PTPRO: variants seen among roughly 807,000 people sequenced by gnomAD.
PTPRO encodes receptor-type tyrosine-protein phosphatase O.
A neutral mutation model predicts 145.2 loss-of-function variants in PTPRO; 62 were observed. The ratio of observed to expected loss-of-function variants is 0.43; its 90% CI spans 0.35 to 0.53. The LOEUF (loss-of-function observed/expected upper bound fraction) is 0.53. PTPRO is among the 20% of genes least tolerant of loss of function. The probability of loss-of-function intolerance (pLI) is 0.01; values close to 1 mark genes in which losing one functional copy is unlikely to be tolerated. For missense variants in PTPRO, 1,345 were observed against 1,482.7 expected (o/e 0.91, Z 1.53); for synonymous variants, 565 against 514.7 (o/e 1.10, Z -1.32).
chr12:15,324,748 C>A (rs973724481), intron 1 of PTPRO, among the ~76,000 whole-genome samples: 1 of 152,000 alleles, frequency 6.6e-6, no homozygotes, highest in African/African-American at 2.4e-5. Context: ...CTTCTATGTG[C>A]TGGTTTTTTA....
chr12:15,578,205 TCATTGCCTACAAGAAAAAAAAAG>T (rs1177870511), intron 19 of PTPRO, among the ~76,000 whole-genome samples: 1 of 152,132 alleles, frequency 6.6e-6, no homozygotes, highest in Non-Finnish European at 1.5e-5. Context: ...TCTCTAAGGC[TCATTGCCTACAAGAAAAAAAAAG>T]CCTAGATTTC....
At chr12:15,432,764 C>A (rs777380426) in intron 1 of PTPRO, among the ~76,000 whole-genome samples, 1 of 152,134 alleles carries the variant, frequency 6.6e-6, no homozygotes, top group Non-Finnish European at 1.5e-5. Flanking sequence ...TGATGCTGAG[C>A]TTTTTTCATA....
intron 1 of PTPRO, among the ~76,000 whole-genome samples, chr12:15,467,316 A>G (rs1048810750): frequency 5.3e-5 from 8 of 151,968 alleles, no homozygotes; most frequent in South Asian, 4.2e-4. Context: ...CTCATACTTT[A>G]TATATATCAA....
Position 15,515,570 on chromosome 12 carries a change from A to C in PTPRO, c.1537A>C (p.Lys513Gln). The C allele has an allele frequency of 6.2e-7, 1 of 1,614,004 alleles. No homozygotes were observed. Among genetic ancestry groups the C allele is most frequent in the Non-Finnish European group, 8.5e-7 (1 of 1,179,934 alleles). Residue 513 changes from lysine (K) to glutamine (Q), a missense_variant, in exon 8 of 27, where the codon AAA (lysine) becomes CAA (glutamine). Physicochemically the swap from Lys to Gln is moderately conservative, Grantham distance 53. Coordinates refer to ENST00000281171, the MANE Select transcript of PTPRO (RefSeq NM_030667.3). ...GTACCAGGTTGTAATATACCTAAGG[A>C]AAGGCCCTTTGATTGGACCACCTTC... ...AQYQVVIYLR[K>Q]GPLIGPPSDP...
chr12:15,591,329 C>T (rs760251253), intron 25 of PTPRO, among the ~76,000 whole-genome samples: 18 of 152,006 alleles, frequency 1.2e-4, no homozygotes, highest in Admixed American at 6.6e-5. Flanking sequence ...TGACATGGTG[C>T]CACTGCACTC....
At chr12:15,332,208 T>A (rs1866633632) in intron 1 of PTPRO, among the ~76,000 whole-genome samples, 1 of 152,108 alleles carries the variant, frequency 6.6e-6, no homozygotes, top group African/African-American at 2.4e-5. Context: ...CTCAGGAGAA[T>A]AATGAATATG....
intron 1 of PTPRO, among the ~76,000 whole-genome samples, chr12:15,437,367 A>T (rs1328415990): frequency 6.7e-6 from 1 of 149,566 alleles, no homozygotes; most frequent in East Asian, 2.0e-4. Flanking sequence ...TCCACACCCA[A>T]GAAGATCTCT....
chr12:15,417,206 A>G lies in PTPRO; in HGVS notation c.76-66768A>G, dbSNP rs538579665. Among the ~76,000 whole-genome samples the G allele has an allele frequency of 9.0e-4, 137 of 151,796 alleles. 4 individuals are homozygous for G. The Middle Eastern group carries it at 0.01, about 11-fold the overall frequency. ...ACAGACGCTACTCAGCTTATAATGG[A>G]CATACAGCCTGATAAACCCATCATA... On this transcript the variant is annotated intron_variant, in intron 1 of 26. Transcript: ENST00000281171.
At chr12:15,544,855 CT>C (rs1418852543) in intron 12 of PTPRO, among the ~76,000 whole-genome samples, 1 of 152,158 alleles carries the variant, frequency 6.6e-6, no homozygotes, top group African/African-American at 2.4e-5. Context: ...AATACAATGC[CT>C]GGAGGACTGG....
intron 6 of PTPRO, among the ~76,000 whole-genome samples, chr12:15,507,179 A>G (rs1012691205): frequency 2.0e-5 from 3 of 152,106 alleles, no homozygotes; most frequent in African/African-American, 7.2e-5. Flanking sequence ...TAGGGAGGCC[A>G]AGGCGGGCGG....
chr12:15,390,583 G>A (rs1939161691), intron 1 of PTPRO, among the ~76,000 whole-genome samples: 1 of 152,136 alleles, frequency 6.6e-6, no homozygotes, highest in African/African-American at 2.4e-5. Context: ...TAAGATTTGG[G>A]TGGAGACACA....
intron 1 of PTPRO, among the ~76,000 whole-genome samples, chr12:15,422,589 A>G (rs1270459376): frequency 6.6e-6 from 1 of 152,100 alleles, no homozygotes; most frequent in African/African-American, 2.4e-5. Flanking sequence ...TAGGGTTCTC[A>G]TTTTTCACAG....
chr12:15,506,325 G>C (rs1437313806), intron 6 of PTPRO, among the ~76,000 whole-genome samples: 1 of 152,180 alleles, frequency 6.6e-6, no homozygotes, highest in East Asian at 1.9e-4. Flanking sequence ...TCAAGAGACA[G>C]GAGGTCTGGG....
chr12:15,597,826 AATG>A lies in PTPRO; in HGVS notation c.*1754_*1756del, dbSNP rs1230474171. Reference sequence around the variant, plus strand: ...TATTTCCCTTTTTGGACATTTTAATAATGTGTCGCACCATTCTCAGGAACAAAC... The same window carrying A: ...TATTTCCCTTTTTGGACATTTTAATATGTCGCACCATTCTCAGGAACAAAC... On this transcript the variant is annotated 3_prime_UTR_variant, in exon 27 of 27. Transcript: ENST00000281171. Among the ~76,000 whole-genome samples, 2 of 152,128 alleles carry A rather than the reference AATG, an allele frequency of 1.3e-5. No homozygotes were observed. The highest frequency in any genetic ancestry group is 1.9e-4 in the East Asian group (1 of 5,170).
chr12:15,520,938 G>T (rs1942705337), intron 10 of PTPRO, among the ~76,000 whole-genome samples: 1 of 151,862 alleles, frequency 6.6e-6, no homozygotes, highest in Admixed American at 6.6e-5. Flanking sequence ...CAAAATACAC[G>T]ACACAAAGTT....
chr12:15,473,200 GATAACTAATAAC>G (rs1941580007), intron 1 of PTPRO, among the ~76,000 whole-genome samples: 1 of 152,140 alleles, frequency 6.6e-6, no homozygotes, highest in African/African-American at 2.4e-5. Context: ...ATTCAAATTC[GATAACTAATAAC>G]ACTTCAGATC....
Position 15,566,986 on chromosome 12 carries a change from G to A in PTPRO, c.2747+1358G>A, listed in dbSNP as rs1328987431. On this transcript the variant is annotated intron_variant, in intron 18 of 26. Transcript: ENST00000281171. ...AAAACTGTTGGTTGGGTTGGCAGGTGAGCTAAAGAGGCAGAGACTAGAGCA... is the reference window on the plus strand; with the variant it reads ...AAAACTGTTGGTTGGGTTGGCAGGTAAGCTAAAGAGGCAGAGACTAGAGCA... 2.0e-5 allele frequency among the ~76,000 whole-genome samples: 3 copies of A among 152,160 alleles called. No homozygotes were observed. The East Asian group carries it at 5.8e-4, about 29-fold the overall frequency.
chr12:15,532,097 T>C (rs1942973867), intron 12 of PTPRO, among the ~76,000 whole-genome samples: 1 of 152,166 alleles, frequency 6.6e-6, no homozygotes, highest in Admixed American at 6.6e-5. Context: ...CAGAACTCAA[T>C]GCATAGGTCA....
At chr12:15,408,544 C>T (rs576596285) in intron 1 of PTPRO, among the ~76,000 whole-genome samples, 1 of 152,268 alleles carries the variant, frequency 6.6e-6, no homozygotes, top group Non-Finnish European at 1.5e-5. Flanking sequence ...CCTTCTGCTT[C>T]AGCCTCCTGA....
Sources: gnomAD v4.1 joint callset for allele counts (sites outside exome capture counted in the v4.1 genomes callset) on GRCh38, gnomAD v4.1.1 for gene constraint, MANE v1.5 for transcripts, NCBI Gene and HGNC (gene_info 2026-07-23, HGNC 2026-07-21) for gene names.